SPAG8: variants seen among roughly 807,000 people sequenced by gnomAD.
The protein encoded by SPAG8 is sperm-associated antigen 8.
Under a neutral mutation model 45.3 loss-of-function variants are expected in SPAG8, and 36 were observed. The observed-to-expected ratio is 0.80, with a 90% CI of 0.61 to 1.05. The LOEUF is 1.05. SPAG8 is among the 50% of genes least tolerant of loss of function. The pLI, the probability that SPAG8 is intolerant of heterozygous loss-of-function variation, is 0.00. For synonymous variants in SPAG8, 227 were observed against 232.6 expected (o/e 0.98, Z 0.22); for missense variants, 573 against 609.2 (o/e 0.94, Z 0.63).
chr9:35,809,388 A>C (rs138254005), downstream of SPAG8: 607 of 1,614,200 alleles, frequency 3.8e-4, 2 homozygotes, highest in Middle Eastern at 7.3e-3. This position sits in a 1 kb window ranked among gnomAD's most constrained non-coding sequence, Gnocchi z 4.1. Flanking sequence ...AGGGAAAAGG[A>C]AAGATGCGAA....
rs1220355873 is a variant in SPAG8, at chr9:35,812,192, TCCTGGAG to T, written c.-52_-46del. 1.1e-5 allele frequency: 18 copies of T among 1,593,026 alleles called. No homozygotes were observed. The East Asian group carries it at 3.8e-4, about 34-fold the overall frequency. ...GGTTGCCATAGAGACAGCAAACAAC[TCCTGGAG>T]CCTGCGCAGAAGTACAGCTGGGCGG... On this transcript the variant is annotated 5_prime_UTR_variant, in exon 1 of 7. Transcript: ENST00000396638.
chr9:35,812,037 C>A (rs1468229659), intron 1 of SPAG8, 36 bp from the exon 2 acceptor site: 1 of 1,608,804 alleles, frequency 6.2e-7, no homozygotes, highest in Non-Finnish European at 8.5e-7. Context: ...CTGTCAAAAG[C>A]GCAGCAGAGG....
Position 35,812,112 on chromosome 9 carries a change from C to G in SPAG8, c.36G>C (p.Ser12=), listed in dbSNP as rs752977381. 6.2e-7 allele frequency: 1 copy of G among 1,609,866 alleles called. No individual in the cohort carries two copies. Among genetic ancestry groups the G allele is most frequent in the African/African-American group, 1.3e-5 (1 of 75,070 alleles). ...ETNESTEGSR[S]RSRSLDIQPS... ...AGAGCTGCGGCTCTCACCGCGACCGCGACCGCGATCCCTCCGTAGACTCGT... is the reference window on the plus strand; with the variant it reads ...AGAGCTGCGGCTCTCACCGCGACCGGGACCGCGATCCCTCCGTAGACTCGT... The change falls in exon 1 of 7, where the codon TCG becomes TCC. Residue 12 remains serine, a synonymous_variant. Coordinates refer to ENST00000396638, the MANE Select transcript of SPAG8 (RefSeq NM_001039592.2).
chr9:35,808,770 G>A (rs756547227), downstream of SPAG8: 1 of 1,613,714 alleles, frequency 6.2e-7, no homozygotes, highest in Non-Finnish European at 8.5e-7. This position sits in a 1 kb window ranked among gnomAD's most constrained non-coding sequence, Gnocchi z 4.0. Flanking sequence ...GTCTGTGCTG[G>A]GGTTGTTGGC....
Position 35,812,095 on chromosome 9 carries a change from G to A in SPAG8, c.44+9C>T, listed in dbSNP as rs766391512. On this transcript the variant is annotated intron_variant, in intron 1 of 6. Transcript: ENST00000396638. Reference sequence around the variant, plus strand: ...CCCTTATGCCTGCAGCCAGAGCTGCGGCTCTCACCGCGACCGCGACCGCGA... The same window carrying A: ...CCCTTATGCCTGCAGCCAGAGCTGCAGCTCTCACCGCGACCGCGACCGCGA... 6.2e-7 allele frequency: 1 copy of A among 1,611,352 alleles called. No homozygotes were observed. Among genetic ancestry groups the A allele is most frequent in the Non-Finnish European group, 8.5e-7 (1 of 1,179,968 alleles).
downstream of SPAG8, chr9:35,808,170 T>C (rs1588071429): frequency 6.2e-7 from 1 of 1,612,140 alleles, no homozygotes; most frequent in African/African-American, 1.3e-5. The surrounding 1 kb of genome is among the most constrained non-coding windows in gnomAD (Gnocchi z 4.0). Flanking sequence ...CTGCTTTACC[T>C]CCTCACCAGC....
chr9:35,812,034 A>G, intron 1 of SPAG8, 33 bp from the exon 2 acceptor site: 1 of 1,609,146 alleles, frequency 6.2e-7, no homozygotes, highest in South Asian at 1.1e-5. Context: ...TGGCTGTCAA[A>G]AGCGCAGCAG....
At position 35,811,337 on chromosome 9, in the gene SPAG8, A is replaced by AG. The variant is rs766429308; in HGVS notation, c.708dup (p.Trp237LeufsTer29). ...CAAGGTGGTTGTTTCTGGGGCTCCC[A>AG]GGGGCAGTGCTGACTCCAGGAGGTA... On this transcript the variant is annotated frameshift_variant, in exon 2 of 7. Coordinates refer to ENST00000396638, the MANE Select transcript of SPAG8 (RefSeq NM_001039592.2). LOFTEE classifies it high-confidence loss of function. 25 of 1,614,052 alleles carry AG rather than the reference A, an allele frequency of 1.5e-5. No homozygotes were observed. The highest frequency in any genetic ancestry group is 3.3e-4 in the Middle Eastern group (2 of 6,084).
At chr9:35,808,497 C>T, downstream of SPAG8, 1 of 1,613,822 alleles carries the variant, frequency 6.2e-7, no homozygotes, top group Non-Finnish European at 8.5e-7. The surrounding 1 kb of genome is among the most constrained non-coding windows in gnomAD (Gnocchi z 4.0). Flanking sequence ...TTTTAATCCC[C>T]CTCTCAATCA....
downstream of SPAG8, chr9:35,808,423 T>C: frequency 6.8e-7 from 1 of 1,470,862 alleles, no homozygotes; most frequent in South Asian, 1.2e-5. The surrounding 1 kb of genome is among the most constrained non-coding windows in gnomAD (Gnocchi z 4.0). Flanking sequence ...GGATGATTAA[T>C]GATGGTGTCA....
chr9:35,809,109 T>G (rs1270554458), downstream of SPAG8: 5 of 1,534,272 alleles, frequency 3.3e-6, no homozygotes, highest in Non-Finnish European at 4.5e-6. The surrounding 1 kb of genome is among the most constrained non-coding windows in gnomAD (Gnocchi z 4.1). Context: ...TGATTGCCTT[T>G]TCTTTGATTC....
downstream of SPAG8, chr9:35,809,500 A>G: frequency 1.2e-6 from 2 of 1,613,476 alleles, no homozygotes; most frequent in Non-Finnish European, 1.7e-6. This position sits in a 1 kb window ranked among gnomAD's most constrained non-coding sequence, Gnocchi z 4.1. Context: ...TGGGTGGGCA[A>G]TGGCCACCAT....
chr9:35,808,886 C>G (rs761324899), downstream of SPAG8: 59 of 1,259,834 alleles, frequency 4.7e-5, no homozygotes, highest in Non-Finnish European at 4.7e-5. This position sits in a 1 kb window ranked among gnomAD's most constrained non-coding sequence, Gnocchi z 4.0. Context: ...CACTGTTGGC[C>G]TCAATTTATC....
chr9:35,808,757 C>T, downstream of SPAG8: 2 of 1,612,772 alleles, frequency 1.2e-6, no homozygotes, highest in Non-Finnish European at 1.7e-6. The surrounding 1 kb of genome is among the most constrained non-coding windows in gnomAD (Gnocchi z 4.0). Flanking sequence ...TCTCAAAGGG[C>T]CAGTCTGTGC....
rs778191635 is a variant in SPAG8, at chr9:35,811,509, AG to A, written c.536del (p.Ser179LeufsTer73). On this transcript the variant is annotated frameshift_variant, in exon 2 of 7. Coordinates refer to ENST00000396638, the MANE Select transcript of SPAG8 (RefSeq NM_001039592.2). LOFTEE classifies it high-confidence loss of function. The stretch of plus-strand genomic sequence containing the variant: ...CATGACCAGGACCAGAGCCAGGACC[AG>A]AGCCAGGACCAGGACCAGAGCCAGA... ...PGSGSGPGPG[S>X]GPGSGPGHGS... The A allele has an allele frequency of 1.2e-6, 2 of 1,604,604 alleles. No individual in the cohort carries two copies. The highest frequency in any genetic ancestry group is 1.7e-6 in the Non-Finnish European group (2 of 1,174,622).
downstream of SPAG8, chr9:35,808,337 C>A (rs3763631): frequency 6.6e-6 from 10 of 1,519,674 alleles, no homozygotes; most frequent in South Asian, 4.5e-5. The surrounding 1 kb of genome is among the most constrained non-coding windows in gnomAD (Gnocchi z 4.0). Flanking sequence ...TAAAGATTCC[C>A]TAGACATCTC....
At chr9:35,810,216 C>T (rs768506579) in intron 6 of SPAG8, 31 bp downstream of exon 6, 4 of 1,613,200 alleles carry the variant, frequency 2.5e-6, no homozygotes, top group Non-Finnish European at 3.4e-6. Context: ...CTGCCCCGCT[C>T]TGCCCCCAAC....
downstream of SPAG8, chr9:35,808,754 G>C (rs1828574091): frequency 6.2e-7 from 1 of 1,613,328 alleles, no homozygotes; most frequent in South Asian, 1.1e-5. The surrounding 1 kb of genome is among the most constrained non-coding windows in gnomAD (Gnocchi z 4.0). Context: ...TCTTCTCAAA[G>C]GGCCAGTCTG....
downstream of SPAG8, chr9:35,809,765 T>A (rs1828668397): frequency 7.9e-6 from 12 of 1,527,542 alleles, no homozygotes; most frequent in Non-Finnish European, 8.9e-6. The surrounding 1 kb of genome is among the most constrained non-coding windows in gnomAD (Gnocchi z 4.1). Context: ...AAGGAAAGGT[T>A]ATGGGGTATG....
Sources: gnomAD v4.1 joint callset for allele counts on GRCh38, gnomAD v4.1.1 for gene constraint, Gnocchi (gnomAD v3.1) non-coding constraint, MANE v1.5 for transcripts, NCBI Gene and HGNC (gene_info 2026-07-23, HGNC 2026-07-21) for gene names.